Variants in DOCK3 observed in about 807,000 individuals in gnomAD.
DOCK3 encodes the protein dedicator of cytokinesis protein 3.
In DOCK3, 60 loss-of-function variants were observed where a neutral mutation model predicts 265.6. That is an observed-to-expected ratio of 0.23 (90% CI 0.18 to 0.28). DOCK3 has a LOEUF of 0.28. Among genes scored for constraint, DOCK3 ranks in the 10% least tolerant of loss-of-function variants. DOCK3 has a pLI of 1.00. For missense variants in DOCK3, 1,981 were observed against 2,594.3 expected, an observed-to-expected ratio of 0.76 and a Z score of 5.14; for synonymous variants, 881 against 938.0, an observed-to-expected ratio of 0.94 and a Z score of 1.11.
intron 12 of DOCK3, among the ~76,000 whole-genome samples, chr3:51,170,941 CAAAAAA>C (rs146911259): frequency 3.3e-5 from 2 of 60,040 alleles, no homozygotes; most frequent in Non-Finnish European, 8.2e-5. Flanking sequence ...GACTCCATCT[CAAAAAA>C]AAAAAAAAAA....
chr3:51,102,560 A>G (rs1307622412), intron 9 of DOCK3, among the ~76,000 whole-genome samples: 1 of 152,240 alleles, frequency 6.6e-6, no homozygotes, highest in Non-Finnish European at 1.5e-5. Context: ...ACATATATGT[A>G]TACTTGCTGT....
At chr3:51,085,277 A>G (rs1576015136) in intron 7 of DOCK3, among the ~76,000 whole-genome samples, 2 of 152,364 alleles carry the variant, frequency 1.3e-5, no homozygotes, top group Non-Finnish European at 2.9e-5. Context: ...ATCCAGACAG[A>G]AAGTCAACAA....
chr3:51,238,185 C>T (rs2078436201), intron 21 of DOCK3, among the ~76,000 whole-genome samples: 1 of 111,086 alleles, frequency 9.0e-6, no homozygotes, highest in South Asian at 3.1e-4. Context: ...CTCTGTCACC[C>T]AGGCTGGAGT....
chr3:51,327,571 T>C (rs960278625), intron 32 of DOCK3, among the ~76,000 whole-genome samples: 3 of 152,186 alleles, frequency 2.0e-5, no homozygotes, highest in African/African-American at 7.2e-5. Context: ...TGCATTGATA[T>C]TCAGTGTCCC....
chr3:51,035,610 C>T (rs2080236541), intron 5 of DOCK3, among the ~76,000 whole-genome samples: 1 of 152,106 alleles, frequency 6.6e-6, no homozygotes, highest in African/African-American at 2.4e-5. Flanking sequence ...GTAAGCTTTT[C>T]CTGGCTTATC....
At position 51,210,192 on chromosome 3, in the gene DOCK3, C is replaced by G. The variant is rs145318070; in HGVS notation, c.1126+1330C>G. ...GTACTAATTCATGAAAGAGCAACTT[C>G]TACCATTGCTTCACCAGGTTAAGAT... is the stretch of plus-strand genomic sequence containing the variant. On this transcript the variant is annotated intron_variant, in intron 13 of 52. Coordinates refer to ENST00000266037, the MANE Select transcript of DOCK3 (RefSeq NM_004947.5). Among the ~76,000 whole-genome samples, 3 of 152,318 alleles carry G rather than the reference C, an allele frequency of 2.0e-5. No individual in the cohort carries two copies. The East Asian group carries it at 5.8e-4, about 29-fold the overall frequency.
chr3:51,200,988 A>G (rs1284314312), intron 12 of DOCK3, among the ~76,000 whole-genome samples: 1 of 152,146 alleles, frequency 6.6e-6, no homozygotes, highest in East Asian at 1.9e-4. Context: ...AGATTTTGTC[A>G]CCACCAGGCC....
At chr3:51,312,989 T>C in intron 31 of DOCK3, 87 bp downstream of exon 31, 1 of 1,268,782 alleles carries the variant, frequency 7.9e-7, no homozygotes, top group Non-Finnish European at 1.1e-6. Flanking sequence ...CCAGGCTTTA[T>C]GAATGTTAAT....
intron 2 of DOCK3, among the ~76,000 whole-genome samples, chr3:50,823,789 CG>C (rs376891395): frequency 6.6e-6 from 1 of 151,984 alleles, no homozygotes; most frequent in African/African-American, 2.4e-5. Flanking sequence ...CTGGCCGGGC[CG>C]GGGGGCTGAC....
intron 5 of DOCK3, among the ~76,000 whole-genome samples, chr3:51,013,698 C>T (rs1423436930): frequency 6.6e-6 from 1 of 152,164 alleles, no homozygotes; most frequent in Non-Finnish European, 1.5e-5. Context: ...CCACTGCTCT[C>T]TTCAGAGCTT....
In DOCK3 at chr3:50,877,759, C is replaced by T. The variant is rs188520001; in HGVS notation, c.163-12267C>T. On this transcript the variant is annotated intron_variant, in intron 3 of 52. Transcript: ENST00000266037. ...CGTGATCTCAGCTCACTGCAACCTCCGCCTCCTGGGTTCAAGCAATTCTCC... is the reference window on the plus strand; with the variant it reads ...CGTGATCTCAGCTCACTGCAACCTCTGCCTCCTGGGTTCAAGCAATTCTCC... The T allele has an allele frequency of 1.6e-4, 46 of 292,348 alleles. No individual in the cohort carries two copies. The East Asian group carries it at 2.5e-3, about 16-fold the overall frequency. The allele number at this position is 292,348 out of a possible 1,614,324, so 18.1% of individuals were successfully genotyped here.
chr3:51,239,715 C>A (rs1045117638), intron 21 of DOCK3, among the ~76,000 whole-genome samples: 33 of 151,434 alleles, frequency 2.2e-4, no homozygotes, highest in African/African-American at 6.5e-4. Context: ...TTATTTATTT[C>A]TTCTAGATTT....
chr3:51,201,867 C>T (rs1373063028), intron 12 of DOCK3, among the ~76,000 whole-genome samples: 1 of 152,164 alleles, frequency 6.6e-6, no homozygotes, highest in Non-Finnish European at 1.5e-5. Flanking sequence ...GATTAAGAAA[C>T]TCACTCAAAA....
intron 32 of DOCK3, among the ~76,000 whole-genome samples, chr3:51,329,484 C>T (rs2084375763): frequency 6.6e-6 from 1 of 152,070 alleles, no homozygotes; most frequent in Non-Finnish European, 1.5e-5. Flanking sequence ...CCTTGCAAAT[C>T]CGTGGGGTAG....
intron 12 of DOCK3, among the ~76,000 whole-genome samples, chr3:51,208,324 G>A (rs1268598642): frequency 6.6e-6 from 1 of 152,126 alleles, no homozygotes; most frequent in African/African-American, 2.4e-5. Flanking sequence ...TAGCTTAGCA[G>A]GGCTTTCCAT....
chr3:51,185,355 G>T (rs967638704), intron 12 of DOCK3, among the ~76,000 whole-genome samples: 12 of 152,086 alleles, frequency 7.9e-5, no homozygotes, highest in Non-Finnish European at 4.4e-5. Context: ...CTTATAAAGA[G>T]TGCAAATAAA....
chr3:51,134,545 C>G (rs1017467205), intron 9 of DOCK3, among the ~76,000 whole-genome samples: 6 of 152,154 alleles, frequency 3.9e-5, no homozygotes. Flanking sequence ...GAACCTCAAA[C>G]AAACTGTGTG....
At chr3:51,013,930 T>TA (rs1420712009) in intron 5 of DOCK3, among the ~76,000 whole-genome samples, 1 of 152,184 alleles carries the variant, frequency 6.6e-6, no homozygotes, top group African/African-American at 2.4e-5. Context: ...GATCTGGGAT[T>TA]AGCAGTGAGT....
intron 5 of DOCK3, among the ~76,000 whole-genome samples, chr3:51,019,337 G>A (rs1217577043): frequency 6.6e-6 from 1 of 151,906 alleles, no homozygotes; most frequent in Non-Finnish European, 1.5e-5. Context: ...GGCACCTCAT[G>A]TTAAAAAGAA....
Sources: gnomAD v4.1 joint callset for allele counts (sites outside exome capture counted in the v4.1 genomes callset) on GRCh38, gnomAD v4.1.1 for gene constraint, MANE v1.5 for transcripts, NCBI Gene and HGNC (gene_info 2026-07-23, HGNC 2026-07-21) for gene names.